CBLN2: variants seen among roughly 807,000 people sequenced by gnomAD.
The protein encoded by CBLN2 is cerebellin-2.
CBLN2 carries 7 observed loss-of-function variants against 15.0 expected under a neutral mutation model. That is an observed-to-expected ratio of 0.47 (90% CI 0.27 to 0.88). The LOEUF (loss-of-function observed/expected upper bound fraction) is 0.88. CBLN2 is among the 40% of genes least tolerant of loss of function. The probability of loss-of-function intolerance (pLI) is 0.14; values close to 1 mark genes in which losing one functional copy is unlikely to be tolerated. For synonymous variants in CBLN2, 149 were observed against 135.2 expected (o/e 1.10, Z -0.71); for missense variants, 242 against 304.5 (o/e 0.79, Z 1.53).
chr18:72,563,118 A>C (rs1454184760), intron 1 of CBLN2, among the ~76,000 whole-genome samples: 1 of 152,212 alleles, frequency 6.6e-6, no homozygotes, highest in Non-Finnish European at 1.5e-5. Flanking sequence ...ACAAAGACAC[A>C]CCTATAGAAA....
chr18:72,621,172 T>C (rs1483847129), intron 1 of CBLN2, among the ~76,000 whole-genome samples: 2 of 152,218 alleles, frequency 1.3e-5, no homozygotes, highest in African/African-American at 4.8e-5. Context: ...TTATGATTCA[T>C]AATTCTAGGT....
chr18:72,580,283 C>T (rs916698575), intron 1 of CBLN2, among the ~76,000 whole-genome samples: 3 of 152,098 alleles, frequency 2.0e-5, no homozygotes, highest in Non-Finnish European at 4.4e-5. Flanking sequence ...GGTGTCAACT[C>T]TTTTTATTAT....
At chr18:72,606,288 TA>T (rs1384205658) in intron 1 of CBLN2, among the ~76,000 whole-genome samples, 1 of 152,238 alleles carries the variant, frequency 6.6e-6, no homozygotes, top group African/African-American at 2.4e-5. Context: ...AAGCCACTGT[TA>T]TTACTACTAT....
At chr18:72,561,791 C>G (rs370995715) in intron 1 of CBLN2, among the ~76,000 whole-genome samples, 1 of 151,960 alleles carries the variant, frequency 6.6e-6, no homozygotes, top group Non-Finnish European at 1.5e-5. Flanking sequence ...TCTGTCCGTG[C>G]GGCAATAACA....
Position 72,538,241 on chromosome 18 carries a change from T to C in CBLN2, c.610A>G (p.Arg204Gly). The change falls in exon 5 of 5, where the codon AGA (arginine) becomes GGA (glycine). Residue 204 changes from arginine (R) to glycine (G), a missense_variant. Arg to Gly is a moderately radical substitution (Grantham distance 125, BLOSUM62 -2). Coordinates refer to ENST00000269503, the MANE Select transcript of CBLN2 (RefSeq NM_182511.4). The stretch of plus-strand genomic sequence containing the variant: ...TTCCAGCCCCCCATGAGGTTGCCTC[T>C]CTCAAGTTTGAGATGCACTTTGTCT... Reference protein sequence around the residue: ...REDKVHLKLERGNLMGGWKYS... With the variant: ...REDKVHLKLEGGNLMGGWKYS... 6.2e-7 allele frequency: 1 copy of C among 1,614,116 alleles called. No individual in the cohort carries two copies. The highest frequency in any genetic ancestry group is 1.1e-5 in the South Asian group (1 of 91,082).
chr18:72,542,190 T>C lies in CBLN2; in HGVS notation c.-30A>G. 1 of 1,196,350 alleles carries C rather than the reference T, an allele frequency of 8.4e-7. No homozygotes were observed. The highest frequency in any genetic ancestry group is 1.0e-6 in the Non-Finnish European group (1 of 966,836). The allele number at this position is 1,196,350 out of a possible 1,614,324, so 74.1% of individuals were successfully genotyped here. A position where few individuals can be genotyped will look rare whatever the true frequency, so the allele number is the denominator to read the frequency against. On this transcript the variant is annotated 5_prime_UTR_variant, in exon 3 of 5. Coordinates refer to ENST00000269503, the MANE Select transcript of CBLN2 (RefSeq NM_182511.4). ...ACTGGTGGGAGGCGGCGCGCGGGGG[T>C]GGAGGCCGGCGCCGGCGCGAGCGGC...
chr18:72,542,597 G>C (rs1033663618), intron 2 of CBLN2, among the ~76,000 whole-genome samples: 2 of 152,100 alleles, frequency 1.3e-5, no homozygotes, highest in African/African-American at 2.4e-5. Flanking sequence ...TCGCTAAGAC[G>C]GGCCCCGAGA....
upstream of CBLN2, among the ~76,000 whole-genome samples, chr18:72,549,106 G>A (rs1453380271): frequency 6.6e-6 from 1 of 152,108 alleles, no homozygotes; most frequent in Non-Finnish European, 1.5e-5. Context: ...CTGCCTTCTG[G>A]ATTCAACAGA....
intron 1 of CBLN2, among the ~76,000 whole-genome samples, chr18:72,615,279 TA>T (rs2069653085): frequency 6.9e-5 from 1 of 14,418 alleles, no homozygotes; most frequent in Non-Finnish European, 3.6e-4. Flanking sequence ...TATATATATA[TA>T]TATTTTTTTT....
chr18:72,543,471 G>T lies in CBLN2; in HGVS notation c.-167+15C>A. The T allele has an allele frequency of 2.5e-6, 1 of 398,874 alleles. No individual in the cohort carries two copies. Among genetic ancestry groups the T allele is most frequent in the African/African-American group, 2.1e-5 (1 of 48,730 alleles). The allele number at this position is 398,874 out of a possible 1,614,324, so 24.7% of individuals were successfully genotyped here. A position where few individuals can be genotyped will look rare whatever the true frequency, so the allele number is the denominator to read the frequency against. On this transcript the variant is annotated intron_variant, in intron 2 of 4. Transcript: ENST00000269503. The surrounding 1 kb of genome is among the most constrained non-coding windows in gnomAD (Gnocchi z 6.8). ...CGCTTGCATGCGGAGGGGAGGGCAG[G>T]TCGGGGGTGGTTACCTGGAACATCC...
chr18:72,634,665 G>C (rs1300860545), intron 1 of CBLN2, among the ~76,000 whole-genome samples: 1 of 152,064 alleles, frequency 6.6e-6, no homozygotes, highest in East Asian at 1.9e-4. Context: ...TGGTGTCAGG[G>C]ATTTATAATT....
At chr18:72,607,330 C>T (rs2069589701) in intron 1 of CBLN2, among the ~76,000 whole-genome samples, 1 of 152,120 alleles carries the variant, frequency 6.6e-6, no homozygotes, top group Non-Finnish European at 1.5e-5. Flanking sequence ...CCCTTGAGGA[C>T]CTCCTAGGTT....
upstream of CBLN2, among the ~76,000 whole-genome samples, chr18:72,546,191 A>C (rs964704052): frequency 6.6e-6 from 1 of 152,150 alleles, no homozygotes; most frequent in East Asian, 1.9e-4. Flanking sequence ...TAATCCCAGC[A>C]CTTTGGGAGG....
intron 1 of CBLN2, among the ~76,000 whole-genome samples, chr18:72,566,788 A>G (rs1442132810): frequency 6.6e-6 from 1 of 152,148 alleles, no homozygotes; most frequent in Non-Finnish European, 1.5e-5. Flanking sequence ...AAAGAGAGGA[A>G]TTTGAACATT....
At chr18:72,620,542 C>T (rs536328808) in intron 1 of CBLN2, 1 of 152,258 alleles carries the variant, frequency 6.6e-6, no homozygotes, top group Non-Finnish European at 1.5e-5. Context: ...CCCTTTCTCT[C>T]TGACTGAGTC....
chr18:72,572,701 A>G (rs2069339852), intron 1 of CBLN2, among the ~76,000 whole-genome samples: 1 of 152,156 alleles, frequency 6.6e-6, no homozygotes, highest in Non-Finnish European at 1.5e-5. Flanking sequence ...TTACAAGTGC[A>G]TGTCATCACG....
chr18:72,602,728 G>A (rs890120489), intron 1 of CBLN2, among the ~76,000 whole-genome samples: 7 of 152,128 alleles, frequency 4.6e-5, no homozygotes, highest in East Asian at 1.9e-4. Context: ...ATTTGCCACC[G>A]AAGAAAAAAT....
intron 1 of CBLN2, among the ~76,000 whole-genome samples, chr18:72,624,575 G>A (rs923227773): frequency 1.3e-5 from 2 of 152,164 alleles, no homozygotes; most frequent in Non-Finnish European, 2.9e-5. Context: ...AGGAGACAGA[G>A]TTTGCAGTGA....
chr18:72,599,491 T>C (rs1317699426), intron 1 of CBLN2, among the ~76,000 whole-genome samples: 1 of 152,186 alleles, frequency 6.6e-6, no homozygotes, highest in Non-Finnish European at 1.5e-5. Flanking sequence ...CTTATTTTAA[T>C]TTAGATTTGA....
Sources: allele counts gnomAD v4.1 joint callset (sites outside exome capture counted in the v4.1 genomes callset), GRCh38; gene constraint gnomAD v4.1.1; non-coding constraint Gnocchi (gnomAD v3.1); transcripts MANE v1.5; gene names NCBI Gene and HGNC (gene_info 2026-07-23, HGNC 2026-07-21).